The following ABCA10 variants were observed in gnomAD, a reference collection of about 807,000 sequenced individuals.
ABCA10 encodes ATP binding cassette subfamily A member 10.
Under a neutral mutation model 187.5 loss-of-function variants are expected in ABCA10, and 169 were observed. The ratio of observed to expected loss-of-function variants is 0.90; its 90% CI spans 0.80 to 1.02. The LOEUF (loss-of-function observed/expected upper bound fraction) is 1.02, where lower values mean the gene tolerates loss of function less well. ABCA10 is among the 50% of genes least tolerant of loss of function. The pLI, the probability that ABCA10 is intolerant of heterozygous loss-of-function variation, is 0.00. For synonymous variants in ABCA10, 574 were observed against 601.8 expected, an observed-to-expected ratio of 0.95 and a Z score of 0.68; for missense variants, 1,727 against 1,812.4, an observed-to-expected ratio of 0.95 and a Z score of 0.86.
chr17:69,167,485 T>A (rs562273682), intron 25 of ABCA10, among the ~76,000 whole-genome samples: 1 of 152,322 alleles, frequency 6.6e-6, no homozygotes, highest in African/African-American at 2.4e-5. Flanking sequence ...TCACAGGATT[T>A]ACAATAGAAC....
chr17:69,193,819 G>A lies in ABCA10; in HGVS notation c.1516C>T (p.Gln506Ter), dbSNP rs377036240. ...IKGIQPKEVE[Q>*]EVKRIIMELD... is the part of the protein sequence containing the mutation. ...ATCTTAATGTGTTCCTGTACCTCTT[G>A]TTCCACTTCCTTTGGCTGAATCCCT... The change falls in exon 13 of 39, where the codon CAA becomes TAA. Residue 506 changes from glutamine to a stop codon, truncating the protein, a stop_gained. Transcript: ENST00000690296. LOFTEE classifies it high-confidence loss of function. 8 of 1,612,982 alleles carry A rather than the reference G, an allele frequency of 5.0e-6. No homozygotes were observed. The Admixed American group carries it at 8.4e-5, about 17-fold the overall frequency.
At chr17:69,208,705 T>G (rs1180464151) in intron 9 of ABCA10, among the ~76,000 whole-genome samples, 1 of 151,830 alleles carries the variant, frequency 6.6e-6, no homozygotes, top group African/African-American at 2.4e-5. Context: ...AATGAGAAAG[T>G]AGAGTAGAGC....
intron 1 of ABCA10, among the ~76,000 whole-genome samples, chr17:69,242,000 T>A (rs1392385753): frequency 6.6e-6 from 1 of 152,248 alleles, no homozygotes; most frequent in African/African-American, 2.4e-5. Flanking sequence ...AAAGGATGCC[T>A]ACTTACTAAA....
chr17:69,211,324 T>TC (rs1460141115), intron 9 of ABCA10, among the ~76,000 whole-genome samples: 5 of 12,170 alleles, frequency 4.1e-4, no homozygotes, highest in African/African-American at 2.1e-3. Context: ...GATATATATA[T>TC]ATATATATAT....
intron 1 of ABCA10, among the ~76,000 whole-genome samples, chr17:69,239,644 C>T (rs542038770): frequency 7.9e-5 from 12 of 152,220 alleles, no homozygotes; most frequent in Admixed American, 7.2e-4. Flanking sequence ...GTTCTTTTTA[C>T]AGTAATTGTG....
chr17:69,191,335 A>G lies in ABCA10; in HGVS notation c.1872-20T>C, dbSNP rs2074458690. 2 of 1,512,724 alleles carry G rather than the reference A, an allele frequency of 1.3e-6. No homozygotes were observed. The highest frequency in any genetic ancestry group is 1.8e-6 in the Non-Finnish European group (2 of 1,124,304). 93.7% of individuals were successfully genotyped at this position (1,512,724 alleles called of 1,614,324 possible). A position where few individuals can be genotyped will look rare whatever the true frequency, so the allele number is the denominator to read the frequency against. ...TGTAAACTATTATTTCAAAAGAGCCATAAGTCTCTTGAATTCTTTTCCAAC... is the reference window on the plus strand; with the variant it reads ...TGTAAACTATTATTTCAAAAGAGCCGTAAGTCTCTTGAATTCTTTTCCAAC... On this transcript the variant is annotated intron_variant, in intron 16 of 38. Coordinates refer to ENST00000690296, the MANE Select transcript of ABCA10 (RefSeq NM_001377321.1).
At chr17:69,176,306 T>C (rs1481635043) in intron 22 of ABCA10, among the ~76,000 whole-genome samples, 1 of 152,140 alleles carries the variant, frequency 6.6e-6, no homozygotes, top group Non-Finnish European at 1.5e-5. Flanking sequence ...AAATCTTCCC[T>C]GCCTACATAA....
At chr17:69,154,197 C>A (rs1242464070) in intron 31 of ABCA10, 38 bp downstream of exon 31, 2 of 1,523,288 alleles carry the variant, frequency 1.3e-6, no homozygotes, top group Admixed American at 2.0e-5. Context: ...AAGATGTCAT[C>A]AATATTTAAA....
chr17:69,240,894 G>A (rs2074899652), intron 1 of ABCA10, among the ~76,000 whole-genome samples: 1 of 152,302 alleles, frequency 6.6e-6, no homozygotes, highest in East Asian at 1.9e-4. Flanking sequence ...CTGGCAGTGT[G>A]CTTCAGTTAA....
chr17:69,232,388 A>T (rs918684619), upstream of ABCA10, among the ~76,000 whole-genome samples: 2 of 151,954 alleles, frequency 1.3e-5, no homozygotes, highest in Non-Finnish European at 2.9e-5. Flanking sequence ...TATTTTTAAT[A>T]TATCTATTAT....
intron 9 of ABCA10, among the ~76,000 whole-genome samples, chr17:69,202,200 C>T (rs2074551491): frequency 6.6e-6 from 1 of 152,152 alleles, no homozygotes; most frequent in African/African-American, 2.4e-5. Flanking sequence ...GAATACAGTT[C>T]TAGCTGTAGG....
chr17:69,195,292 T>G (rs978487950), intron 11 of ABCA10, among the ~76,000 whole-genome samples: 7 of 152,112 alleles, frequency 4.6e-5, no homozygotes, highest in African/African-American at 1.7e-4. Flanking sequence ...CACTAATACT[T>G]CGAGCTTAGT....
chr17:69,192,639 G>A lies in ABCA10; in HGVS notation c.1795C>T (p.Leu599=). 6.2e-7 allele frequency: 1 copy of A among 1,612,914 alleles called. No individual in the cohort carries two copies. Among genetic ancestry groups the A allele is most frequent in the Non-Finnish European group, 8.5e-7 (1 of 1,179,576 alleles). ...ADILADRKVF[L]SNGKLKCAGS... ...GCACATTTCAACTTCCCATTAGACAGAAATACTTTCCTATCTGAGTAGAAA... is the reference window on the plus strand; with the variant it reads ...GCACATTTCAACTTCCCATTAGACAAAAATACTTTCCTATCTGAGTAGAAA... The change falls in exon 16 of 39, where the codon CTG becomes TTG. Residue 599 remains leucine (L), a synonymous_variant. Coordinates refer to ENST00000690296, the MANE Select transcript of ABCA10 (RefSeq NM_001377321.1).
intron 10 of ABCA10, among the ~76,000 whole-genome samples, chr17:69,200,016 C>T (rs568907464): frequency 6.6e-6 from 1 of 152,276 alleles, no homozygotes. Context: ...GAACTTTCAC[C>T]TTGATCTTTT....
chr17:69,225,420 T>C lies in ABCA10; in HGVS notation c.-62A>G. 1 of 1,565,590 alleles carries C rather than the reference T, an allele frequency of 6.4e-7. No individual in the cohort carries two copies. The highest frequency in any genetic ancestry group is 1.4e-5 in the African/African-American group (1 of 73,762). On this transcript the variant is annotated 5_prime_UTR_variant, in exon 3 of 39. Coordinates refer to ENST00000690296, the MANE Select transcript of ABCA10 (RefSeq NM_001377321.1). ...CACTACCAGGCCAGAGTCATTAAAC[T>C]GATCCACGCTTCCCAGGACTTTAGG...
chr17:69,193,059 CT>C (rs765439797), intron 15 of ABCA10, 50 bp downstream of exon 15: 157 of 1,538,114 alleles, frequency 1.0e-4, no homozygotes, highest in Non-Finnish European at 1.3e-4. Context: ...AAAAATAACT[CT>C]CATGTTAAAT....
intron 25 of ABCA10, 22 bp from the exon 26 acceptor site, chr17:69,165,105 T>G (rs747568352): frequency 1.3e-6 from 2 of 1,500,652 alleles, no homozygotes; most frequent in South Asian, 2.3e-5. Flanking sequence ...TCCAGAAGTA[T>G]TATAATTTTC....
chr17:69,227,114 G>GAGATATATATATATATATAT (rs1555665026), intron 2 of ABCA10, 31 bp downstream of exon 2: 1 of 137,416 alleles, frequency 7.3e-6, no homozygotes, highest in South Asian at 2.4e-4. Context: ...ATTAATTATG[G>GAGATATATATATATATATAT]ATATATATAT....
chr17:69,212,236 G>A (rs530111905), intron 9 of ABCA10, among the ~76,000 whole-genome samples: 22 of 152,126 alleles, frequency 1.4e-4, no homozygotes, highest in East Asian at 3.9e-4. Flanking sequence ...ATTGTTGACC[G>A]AACAATCATT....
Sources: allele counts gnomAD v4.1 joint callset (sites outside exome capture counted in the v4.1 genomes callset), GRCh38; gene constraint gnomAD v4.1.1; transcripts MANE v1.5; gene names NCBI Gene and HGNC (gene_info 2026-07-23, HGNC 2026-07-21).